The following ADAMTS9 variants were observed in gnomAD, a reference collection of about 807,000 sequenced individuals.
ADAMTS9 encodes ADAM metallopeptidase with thrombospondin type 1 motif 9.
ADAMTS9 carries 107 observed loss-of-function variants against 257.1 expected under a neutral mutation model. The ratio of observed to expected loss-of-function variants is 0.42; its 90% CI spans 0.36 to 0.49. The LOEUF (loss-of-function observed/expected upper bound fraction) is 0.49, where lower values mean the gene tolerates loss of function less well. ADAMTS9 is among the 20% of genes least tolerant of loss of function. ADAMTS9 has a pLI of 0.03. For missense variants in ADAMTS9, 2,353 were observed against 2,469.1 expected (o/e 0.95, Z 1.00); for synonymous variants, 982 against 880.9 (o/e 1.11, Z -2.03).
At chr3:64,590,888 G>A (rs942960695) in intron 28 of ADAMTS9, among the ~76,000 whole-genome samples, 6 of 152,140 alleles carry the variant, frequency 3.9e-5, no homozygotes, top group African/African-American at 1.4e-4. Context: ...CAAGCAGGTT[G>A]ACAGGGCAAT....
At chr3:64,550,301 T>C (rs1458570945) in intron 31 of ADAMTS9, 2 of 152,384 alleles carry the variant, frequency 1.3e-5, no homozygotes, top group East Asian at 3.9e-4. Flanking sequence ...ACAACACATC[T>C]GGTTCATGAA....
rs374496257 is a variant in ADAMTS9 at position 64,625,557 on chromosome 3, C to T, written c.2390-2971G>A. Among the ~76,000 whole-genome samples the T allele has an allele frequency of 1.6e-3, 242 of 152,272 alleles. 1 individual carries two copies. Among genetic ancestry groups the T allele is most frequent in the African/African-American group, 5.4e-3 (223 of 41,550 alleles). ...TTCATGCAATTGGACACCTTACTGA[C>T]GCAGGGCTATTCATTCCAGGATTAG... On this transcript the variant is annotated intron_variant, in intron 16 of 39. Coordinates refer to ENST00000498707, the MANE Select transcript of ADAMTS9 (RefSeq NM_182920.2).
chr3:64,545,783 A>C (rs537841757), intron 32 of ADAMTS9, among the ~76,000 whole-genome samples: 3 of 152,328 alleles, frequency 2.0e-5, no homozygotes, highest in East Asian at 3.9e-4. Flanking sequence ...TTTTAAGTAG[A>C]GACAGGATGT....
intron 38 of ADAMTS9, among the ~76,000 whole-genome samples, chr3:64,532,833 T>G (rs1326014931): frequency 6.6e-6 from 1 of 152,214 alleles, no homozygotes; most frequent in African/African-American, 2.4e-5. Context: ...AACCGCAAGC[T>G]GGCTAACTGA....
chr3:64,652,958 C>T (rs930139212), intron 8 of ADAMTS9, among the ~76,000 whole-genome samples: 3 of 152,110 alleles, frequency 2.0e-5, no homozygotes, highest in African/African-American at 7.2e-5. Context: ...TATAAAATTA[C>T]CTCTAGGCTA....
At chr3:64,628,192 T>C (rs998001791) in intron 16 of ADAMTS9, among the ~76,000 whole-genome samples, 23 of 152,196 alleles carry the variant, frequency 1.5e-4, no homozygotes, top group African/African-American at 5.5e-4. Flanking sequence ...TGACAAATCT[T>C]CCTTAATTTT....
intron 32 of ADAMTS9, among the ~76,000 whole-genome samples, chr3:64,545,466 G>C (rs758492092): frequency 6.6e-6 from 1 of 152,132 alleles, no homozygotes; most frequent in Non-Finnish European, 1.5e-5. Flanking sequence ...TAGGGACATG[G>C]ATGAAACTGG....
intron 30 of ADAMTS9, among the ~76,000 whole-genome samples, chr3:64,556,068 C>T (rs1285762535): frequency 4.6e-5 from 7 of 152,200 alleles, no homozygotes. Flanking sequence ...CAAGGACCTG[C>T]TGCTCATTTC....
intron 39 of ADAMTS9, among the ~76,000 whole-genome samples, chr3:64,519,996 G>A (rs1225420136): frequency 1.3e-5 from 2 of 152,164 alleles, no homozygotes; most frequent in African/African-American, 4.8e-5. Context: ...AAAAGAGGAA[G>A]TCAAATTATC....
Position 64,522,547 on chromosome 3 carries a change from A to C in ADAMTS9, c.5719-287T>G, listed in dbSNP as rs2082866966. On this transcript the variant is annotated intron_variant, in intron 38 of 39. Transcript: ENST00000498707. ...AAAATTACATTTCTTGACACATAAA[A>C]TCATATGAAATTCAAATTTCAGTGT... is the stretch of plus-strand genomic sequence containing the variant. The C allele has an allele frequency of 2.0e-5, 5 of 249,982 alleles. No individual in the cohort carries two copies. The Admixed American group carries it at 2.1e-4, about 10-fold the overall frequency. The allele number at this position is 249,982 out of a possible 1,614,324, so 15.5% of individuals were successfully genotyped here.
At position 64,541,522 on chromosome 3, in the gene ADAMTS9, TC is replaced by T; in HGVS notation, c.5292+3del. On this transcript the variant is annotated splice_donor_region_variant and intron_variant, in intron 34 of 39. Coordinates refer to ENST00000498707, the MANE Select transcript of ADAMTS9 (RefSeq NM_182920.2). Reference sequence around the variant, plus strand: ...TGAAATAATGACTGGTGTCTGACATTCACCTTCAGAAGCTTTCCTCTAATCA... The same window carrying T: ...TGAAATAATGACTGGTGTCTGACATTACCTTCAGAAGCTTTCCTCTAATCA... 1 of 1,613,168 alleles carries T rather than the reference TC, an allele frequency of 6.2e-7. No homozygotes were observed. The highest frequency in any genetic ancestry group is 8.5e-7 in the Non-Finnish European group (1 of 1,179,088).
At chr3:64,560,595 G>T (rs1215627945) in intron 30 of ADAMTS9, among the ~76,000 whole-genome samples, 2 of 152,074 alleles carry the variant, frequency 1.3e-5, no homozygotes. Context: ...GTGAACCTCA[G>T]TTTTTTCACC....
intron 11 of ADAMTS9, among the ~76,000 whole-genome samples, chr3:64,643,318 ATAATT>A (rs986864323): frequency 3.3e-5 from 5 of 152,192 alleles, no homozygotes; most frequent in Non-Finnish European, 4.4e-5. Flanking sequence ...AACCACATAT[ATAATT>A]TAAGAATTTC....
chr3:64,631,673 C>T, intron 15 of ADAMTS9, 123 bp from the exon 16 acceptor site: 1 of 1,170,230 alleles, frequency 8.5e-7, no homozygotes, highest in Non-Finnish European at 1.3e-6. Context: ...TAGGTGCCTT[C>T]TAGTCGATGG....
intron 21 of ADAMTS9, chr3:64,614,734 C>T (rs1401141208): frequency 1.3e-5 from 2 of 152,350 alleles, no homozygotes; most frequent in East Asian, 1.9e-4. Context: ...CTCTTGTTGT[C>T]CTGGGACCAT....
intron 29 of ADAMTS9, among the ~76,000 whole-genome samples, chr3:64,563,711 T>C (rs2083470249): frequency 6.6e-6 from 1 of 152,212 alleles, no homozygotes; most frequent in Non-Finnish European, 1.5e-5. Flanking sequence ...TTATACGATA[T>C]GTCATTCTGG....
chr3:64,552,585 T>C lies in ADAMTS9; in HGVS notation c.4699-1523A>G, dbSNP rs572353337. On this transcript the variant is annotated intron_variant, in intron 30 of 39. Coordinates refer to ENST00000498707, the MANE Select transcript of ADAMTS9 (RefSeq NM_182920.2). ...CTTTTCTTTTCTTTCCTTTTTTTTT[T>C]TTTTTGAGACAAAGTCTCCCTCTGT... 9.2e-5 allele frequency among the ~76,000 whole-genome samples: 14 copies of C among 151,976 alleles called. No individual in the cohort carries two copies. The South Asian group carries it at 2.3e-3, about 25-fold the overall frequency.
chr3:64,601,982 G>A lies in ADAMTS9; in HGVS notation c.3979C>T (p.Leu1327Phe). The A allele has an allele frequency of 6.2e-7, 1 of 1,613,578 alleles. No individual in the cohort carries two copies. The change falls in exon 26 of 40, where the codon CTC (leucine) becomes TTC (phenylalanine). Residue 1327 changes from leucine to phenylalanine, a missense_variant. By Grantham distance (22) the Leu-to-Phe change is conservative. Around this residue, in one of 3 missense-constraint regions of ADAMTS9, gnomAD observed 1,402 missense variants for 1,441.4 expected, o/e 0.97. Coordinates refer to ENST00000498707, the MANE Select transcript of ADAMTS9 (RefSeq NM_182920.2). Reference sequence around the variant, plus strand: ...CCAGTTCTCCACTGGTTTCCACCGAGCACATGGGTGCGGCTGGGGCTGGCG... The same window carrying A: ...CCAGTTCTCCACTGGTTTCCACCGAACACATGGGTGCGGCTGGGGCTGGCG... The part of the protein sequence containing the change: ...RSASPSRTHV[L>F]GGNQWRTGPW...
intron 38 of ADAMTS9, among the ~76,000 whole-genome samples, chr3:64,524,886 C>T (rs1232483262): frequency 1.3e-5 from 2 of 152,176 alleles, no homozygotes; most frequent in African/African-American, 2.4e-5. Flanking sequence ...ATTACAAGGC[C>T]TTTGCATGTG....
Sources: gnomAD v4.1 joint callset for allele counts (sites outside exome capture counted in the v4.1 genomes callset) on GRCh38, gnomAD v4.1.1 for gene constraint, gnomAD v4.1.1 regional missense constraint, MANE v1.5 for transcripts, NCBI Gene and HGNC (gene_info 2026-07-23, HGNC 2026-07-21) for gene names.